Variants in PHACTR1 observed in about 807,000 individuals in gnomAD.
PHACTR1 encodes phosphatase and actin regulator 1.
In PHACTR1, 16 loss-of-function variants were observed where a neutral mutation model predicts 69.2. That is an observed-to-expected ratio of 0.23 (90% CI 0.16 to 0.35). The LOEUF is 0.35. Among genes scored for constraint, PHACTR1 ranks in the 10% least tolerant of loss-of-function variants. The pLI is 1.00. For synonymous variants in PHACTR1, 312 were observed against 284.5 expected (o/e 1.10, Z -0.97); for missense variants, 510 against 734.7 (o/e 0.69, Z 3.54).
At chr6:12,788,728 C>T in intron 4 of PHACTR1, among the ~76,000 whole-genome samples, 1 of 152,192 alleles carries the variant, frequency 6.6e-6, no homozygotes, top group East Asian at 1.9e-4. Flanking sequence ...TTTCTAAGAA[C>T]ACAAAAGAAA....
At chr6:12,730,171 T>C (rs1763310815) in intron 3 of PHACTR1, among the ~76,000 whole-genome samples, 1 of 152,180 alleles carries the variant, frequency 6.6e-6, no homozygotes, top group African/African-American at 2.4e-5. Context: ...TAAAATAATT[T>C]CACTAACATG....
rs962092876 is a variant in PHACTR1, at chr6:12,840,653, A to T, written c.250+90863A>T. 2.0e-5 allele frequency among the ~76,000 whole-genome samples: 3 copies of T among 152,320 alleles called. No individual in the cohort carries two copies. The East Asian group carries it at 5.8e-4, about 29-fold the overall frequency. The stretch of plus-strand genomic sequence containing the variant: ...CAGCACTCAGTAAAATCCTAGATAG[A>T]AATGGGTAATTTAGACATAGGTTTC... On this transcript the variant is annotated intron_variant, in intron 4 of 14. Transcript: ENST00000332995.
At chr6:13,233,095 T>A (rs1290243798) in intron 10 of PHACTR1, among the ~76,000 whole-genome samples, 1 of 152,128 alleles carries the variant, frequency 6.6e-6, no homozygotes, top group East Asian at 1.9e-4. Context: ...TTGCACCTGG[T>A]TTAGACTAAC....
At position 12,721,407 on chromosome 6, in the gene PHACTR1, C is replaced by T. The variant is rs1461032216; in HGVS notation, c.103+2560C>T. Among the ~76,000 whole-genome samples, 4 of 152,010 alleles carry T rather than the reference C, an allele frequency of 2.6e-5. No individual in the cohort carries two copies. In the East Asian group the frequency reaches 7.7e-4, roughly 29 times the overall value. Reference sequence around the variant, plus strand: ...AAAAAAAAAAACTTCACAATGAAGCCACTGCCTTGCAAACAAGAAATGTGG... The same window carrying T: ...AAAAAAAAAAACTTCACAATGAAGCTACTGCCTTGCAAACAAGAAATGTGG... On this transcript the variant is annotated intron_variant, in intron 3 of 14. Coordinates refer to ENST00000332995, the MANE Select transcript of PHACTR1 (RefSeq NM_030948.6).
chr6:12,894,940 A>G (rs904997748), intron 4 of PHACTR1, among the ~76,000 whole-genome samples: 1 of 152,170 alleles, frequency 6.6e-6, no homozygotes, highest in East Asian at 1.9e-4. Flanking sequence ...CTATTTTTAA[A>G]CCTTCTCTTT....
intron 8 of PHACTR1, among the ~76,000 whole-genome samples, chr6:13,212,373 T>G (rs1005890962): frequency 6.6e-6 from 1 of 152,170 alleles, no homozygotes; most frequent in African/African-American, 2.4e-5. Context: ...CCACTCCAAG[T>G]TCTTTTGCAA....
chr6:12,789,900 A>G (rs1462720416), intron 4 of PHACTR1, among the ~76,000 whole-genome samples: 1 of 149,468 alleles, frequency 6.7e-6, no homozygotes, highest in Non-Finnish European at 1.5e-5. Context: ...AGCATTAGGT[A>G]TATCTCCTAA....
chr6:13,254,416 A>G (rs1356963070), intron 10 of PHACTR1, among the ~76,000 whole-genome samples: 1 of 152,158 alleles, frequency 6.6e-6, no homozygotes, highest in African/African-American at 2.4e-5. Flanking sequence ...GTAACTCTCT[A>G]TCCTTAAAGA....
Position 13,287,206 on chromosome 6 carries a change from G to T in PHACTR1, c.*128G>T. ...TGAACTGCCTTTTTTTTAAAAAGAA[G>T]AAAAATCAAGGAAACACAATCAGGA... On this transcript the variant is annotated 3_prime_UTR_variant, in exon 15 of 15. Transcript: ENST00000332995. 1.0e-6 allele frequency: 1 copy of T among 970,074 alleles called. No homozygotes were observed. 60.1% of individuals were successfully genotyped at this position (970,074 alleles called of 1,614,324 possible). A position where few individuals can be genotyped will look rare whatever the true frequency, so the allele number is the denominator to read the frequency against.
At chr6:12,972,479 A>G (rs1794340313) in intron 4 of PHACTR1, among the ~76,000 whole-genome samples, 1 of 152,112 alleles carries the variant, frequency 6.6e-6, no homozygotes, top group Non-Finnish European at 1.5e-5. Context: ...ACCAAAATCA[A>G]TCTCACTGGA....
At chr6:12,968,982 A>T (rs1235480383) in intron 4 of PHACTR1, among the ~76,000 whole-genome samples, 4 of 122,690 alleles carry the variant, frequency 3.3e-5, no homozygotes, top group African/African-American at 1.3e-4. Context: ...GCAGGTCTGA[A>T]GTGGGGCTCA....
intron 4 of PHACTR1, among the ~76,000 whole-genome samples, chr6:12,792,379 A>T (rs2127663427): frequency 6.9e-6 from 1 of 144,138 alleles, no homozygotes; most frequent in Non-Finnish European, 1.5e-5. Context: ...CAGGAGAATC[A>T]CTTGAACCCG....
intron 4 of PHACTR1, among the ~76,000 whole-genome samples, chr6:13,022,846 G>A (rs983769755): frequency 2.6e-5 from 4 of 151,810 alleles, no homozygotes; most frequent in African/African-American, 7.3e-5. Context: ...GCGAAACCCC[G>A]TCTCTACAAA....
Position 12,872,728 on chromosome 6 carries a change from C to T in PHACTR1, c.250+122938C>T, listed in dbSNP as rs916246369. On this transcript the variant is annotated intron_variant, in intron 4 of 14. Transcript: ENST00000332995. ...ATGCCCCCCGAAGTTTCTCATCATT[C>T]GTGTTCATCACCACAGTCCTTTAGA... Among the ~76,000 whole-genome samples, 12 of 152,252 alleles carry T rather than the reference C, an allele frequency of 7.9e-5. No individual in the cohort carries two copies. The East Asian group carries it at 1.4e-3, about 17-fold the overall frequency.
chr6:13,240,677 A>T (rs991241387), intron 10 of PHACTR1, among the ~76,000 whole-genome samples: 5 of 151,958 alleles, frequency 3.3e-5, no homozygotes, highest in Non-Finnish European at 7.4e-5. Context: ...AAACTCCTGG[A>T]CTCAAGTGAT....
intron 4 of PHACTR1, among the ~76,000 whole-genome samples, chr6:12,870,133 A>C (rs569288253): frequency 3.0e-4 from 46 of 152,230 alleles, no homozygotes; most frequent in African/African-American, 9.9e-4. Context: ...AAAAAAAAAA[A>C]AACTCCAATG....
At chr6:13,193,695 T>G (rs1763948435) in intron 7 of PHACTR1, among the ~76,000 whole-genome samples, 1 of 152,074 alleles carries the variant, frequency 6.6e-6, no homozygotes, top group Non-Finnish European at 1.5e-5. Context: ...GCTCAGTATT[T>G]TCTTTTATAT....
intron 4 of PHACTR1, among the ~76,000 whole-genome samples, chr6:12,906,888 AC>A (rs1179009597): frequency 1.3e-5 from 2 of 152,172 alleles, no homozygotes; most frequent in Non-Finnish European, 1.5e-5. Context: ...TGGCTCGACC[AC>A]TGTGATTGGA....
chr6:12,799,018 G>C (rs1470228444), intron 4 of PHACTR1, among the ~76,000 whole-genome samples: 1 of 151,434 alleles, frequency 6.6e-6, no homozygotes, highest in Non-Finnish European at 1.5e-5. Context: ...AAGATCTCTA[G>C]GTAGCAAATG....
Sources: gnomAD v4.1 joint callset for allele counts (sites outside exome capture counted in the v4.1 genomes callset) on GRCh38, gnomAD v4.1.1 for gene constraint, MANE v1.5 for transcripts, NCBI Gene and HGNC (gene_info 2026-07-23, HGNC 2026-07-21) for gene names.